Variants in TOX observed in about 807,000 individuals in gnomAD.
TOX encodes the protein thymocyte selection associated high mobility group box.
In TOX, 11 loss-of-function variants were observed where a neutral mutation model predicts 53.7. The ratio of observed to expected loss-of-function variants is 0.20; its 90% CI spans 0.13 to 0.34. TOX has a LOEUF of 0.34. Ranked by LOEUF, TOX falls within the 10% of genes least tolerant of loss-of-function variation. TOX has a pLI of 1.00. For missense variants in TOX, 570 were observed against 664.6 expected (o/e 0.86, Z 1.56); for synonymous variants, 225 against 245.3 (o/e 0.92, Z 0.77).
intron 1 of TOX, among the ~76,000 whole-genome samples, chr8:59,001,928 A>G (rs911389444): frequency 4.1e-5 from 6 of 147,024 alleles, no homozygotes; most frequent in Admixed American, 4.1e-4. Context: ...GTATCTCTCT[A>G]TTGTCAAGGA....
chr8:59,070,688 T>G (rs1804182245), intron 1 of TOX, among the ~76,000 whole-genome samples: 1 of 152,086 alleles, frequency 6.6e-6, no homozygotes, highest in South Asian at 2.1e-4. Flanking sequence ...AAGAAAAGAA[T>G]AGTGGGTACA....
chr8:59,035,244 T>A (rs1047355437), intron 1 of TOX, among the ~76,000 whole-genome samples: 3 of 152,148 alleles, frequency 2.0e-5, no homozygotes, highest in African/African-American at 7.2e-5. Context: ...CTTAATCCAA[T>A]AAAACAACAG....
chr8:58,992,740 C>A (rs1265038645), intron 1 of TOX: 1 of 152,022 alleles, frequency 6.6e-6, no homozygotes, highest in Admixed American at 6.5e-5. Flanking sequence ...TTTTTTGAAG[C>A]CAACTGTACA....
chr8:58,933,748 T>C (rs1162002067), intron 3 of TOX, among the ~76,000 whole-genome samples: 5 of 152,194 alleles, frequency 3.3e-5, no homozygotes, highest in Non-Finnish European at 7.4e-5. Flanking sequence ...CAACTAGTCT[T>C]GGGGCTTTCC....
At chr8:58,808,398 C>T (rs989322888) in intron 7 of TOX, 129 bp from the exon 8 acceptor site, 148 of 1,153,776 alleles carry the variant, frequency 1.3e-4, no homozygotes, top group Middle Eastern at 2.8e-4. Context: ...GCAAGCCTGT[C>T]GGAAGAGCCC....
chr8:59,074,488 A>T (rs1345925661), intron 1 of TOX, among the ~76,000 whole-genome samples: 1 of 152,188 alleles, frequency 6.6e-6, no homozygotes, highest in Non-Finnish European at 1.5e-5. Flanking sequence ...CGGATGGATC[A>T]AGCTGAAAAA....
chr8:58,925,352 G>A (rs17231995), intron 3 of TOX, among the ~76,000 whole-genome samples: 20,502 of 152,080 alleles, frequency 0.13, 1,534 homozygotes, highest in Non-Finnish European at 0.16. Context: ...AGCATTCATC[G>A]CGCAGTTAGC....
At chr8:59,027,261 A>G (rs1429901752) in intron 1 of TOX, among the ~76,000 whole-genome samples, 1 of 152,162 alleles carries the variant, frequency 6.6e-6, no homozygotes, top group Non-Finnish European at 1.5e-5. Context: ...AAAGCATATA[A>G]CATCTCCAGC....
chr8:58,849,270 ATGTT>A (rs1281064884), intron 4 of TOX, among the ~76,000 whole-genome samples: 1 of 152,180 alleles, frequency 6.6e-6, no homozygotes, highest in Non-Finnish European at 1.5e-5. Context: ...ATTCGTATGA[ATGTT>A]TGTGCAGATA....
At chr8:58,881,943 C>A (rs1274511244) in intron 3 of TOX, among the ~76,000 whole-genome samples, 1 of 152,176 alleles carries the variant, frequency 6.6e-6, no homozygotes, top group Non-Finnish European at 1.5e-5. Flanking sequence ...CAAAAAGGTG[C>A]AGTAACTTGC....
intron 1 of TOX, among the ~76,000 whole-genome samples, chr8:58,975,901 G>C (rs544454864): frequency 6.6e-6 from 1 of 152,028 alleles, no homozygotes; most frequent in Non-Finnish European, 1.5e-5. Context: ...GTGAAACCCC[G>C]TCTCTACTAA....
chr8:59,064,028 T>C (rs976567938), intron 1 of TOX, among the ~76,000 whole-genome samples: 2 of 152,128 alleles, frequency 1.3e-5, no homozygotes, highest in African/African-American at 4.8e-5. Context: ...GGAAATGACA[T>C]AGGTTTAAAG....
At chr8:58,991,032 A>T (rs1267150138) in intron 1 of TOX, among the ~76,000 whole-genome samples, 1 of 152,202 alleles carries the variant, frequency 6.6e-6, no homozygotes, top group East Asian at 1.9e-4. Flanking sequence ...CGTAAGCCTC[A>T]TAAGAATAAT....
rs1205820810 is a variant in TOX at position 59,118,396 on chromosome 8, C to G, written c.102+490G>C. Among the ~76,000 whole-genome samples the G allele has an allele frequency of 5.9e-5, 9 of 152,146 alleles. No individual in the cohort carries two copies. The highest frequency in any genetic ancestry group is 2.2e-4 in the African/African-American group (9 of 41,440). On this transcript the variant is annotated intron_variant, in intron 1 of 8. Transcript: ENST00000361421. This position sits in a 1 kb window ranked among gnomAD's most constrained non-coding sequence, Gnocchi z 4.1. ...CCCTGTGGGGGGCAGGGGCGCCTCC[C>G]AGGTCCCTGCACCCCGACTCCCGGC...
At chr8:58,938,093 T>C (rs1167184967) in intron 3 of TOX, among the ~76,000 whole-genome samples, 1 of 152,200 alleles carries the variant, frequency 6.6e-6, no homozygotes, top group Non-Finnish European at 1.5e-5. Flanking sequence ...CCCAGATGGC[T>C]GCCAGATTTT....
intron 1 of TOX, among the ~76,000 whole-genome samples, chr8:59,030,219 T>A (rs1814329581): frequency 6.6e-6 from 1 of 152,200 alleles, no homozygotes; most frequent in Non-Finnish European, 1.5e-5. Context: ...CATTTTTCTA[T>A]GCAAACTAAT....
At chr8:59,028,628 T>G (rs1486567523) in intron 1 of TOX, among the ~76,000 whole-genome samples, 1 of 152,118 alleles carries the variant, frequency 6.6e-6, no homozygotes, top group Non-Finnish European at 1.5e-5. Context: ...AAATAACACC[T>G]GGGGTGCACA....
rs149774641 is a variant in TOX at position 58,861,616 on chromosome 8, G to T, written c.412-9811C>A. On this transcript the variant is annotated intron_variant, in intron 3 of 8. Transcript: ENST00000361421. ...AGGATTGTGTGCATTGAAATAAAAA[G>T]AATGGATTGGAAGTGTAGGTTAAGT... 1.4e-3 allele frequency among the ~76,000 whole-genome samples: 219 copies of T among 152,282 alleles called. 3 individuals are homozygous for T. Among genetic ancestry groups the T allele is most frequent in the African/African-American group, 5.1e-3 (211 of 41,564 alleles).
chr8:58,994,913 G>A (rs1248660729), intron 1 of TOX, among the ~76,000 whole-genome samples: 1 of 152,066 alleles, frequency 6.6e-6, no homozygotes, highest in African/African-American at 2.4e-5. Context: ...CCTTCTCATG[G>A]TCTATCCTCT....
Sources: gnomAD v4.1 joint callset for allele counts (sites outside exome capture counted in the v4.1 genomes callset) on GRCh38, gnomAD v4.1.1 for gene constraint, Gnocchi (gnomAD v3.1) non-coding constraint, MANE v1.5 for transcripts, NCBI Gene and HGNC (gene_info 2026-07-23, HGNC 2026-07-21) for gene names.